PICALM: variants seen among roughly 807,000 people sequenced by gnomAD.
The protein encoded by PICALM is phosphatidylinositol-binding clathrin assembly protein.
A neutral mutation model predicts 80.5 loss-of-function variants in PICALM; 40 were observed. The ratio of observed to expected loss-of-function variants is 0.50; its 90% confidence interval spans 0.39 to 0.65. PICALM has a LOEUF of 0.65. Ranked by LOEUF, PICALM falls within the 30% of genes least tolerant of loss-of-function variation. PICALM has a pLI of 0.00. For synonymous variants in PICALM, 288 were observed against 260.3 expected (o/e 1.11, Z -1.02); for missense variants, 676 against 778.9 (o/e 0.87, Z 1.57).
intron 4 of PICALM, among the ~76,000 whole-genome samples, chr11:86,020,324 C>A (rs1272131401): frequency 6.6e-6 from 1 of 151,294 alleles, no homozygotes; most frequent in East Asian, 1.9e-4. Context: ...CAATGCAATC[C>A]CCCACAAAAT....
At chr11:86,003,689 A>C (rs567817275) in intron 8 of PICALM, 2 of 323,438 alleles carry the variant, frequency 6.2e-6, no homozygotes, top group East Asian at 4.8e-5. Context: ...AACTATGTAA[A>C]CATGAAACAT....
Position 86,003,766 on chromosome 11 carries a change from A to G in PICALM, c.808-315T>C, listed in dbSNP as rs147176829. On this transcript the variant is annotated intron_variant, in intron 8 of 19. Coordinates refer to ENST00000393346, the MANE Select transcript of PICALM (RefSeq NM_007166.4). ...CATACTCCTAAAAGCTCGACATACT[A>G]CTGAGCATGCAGAAGGTACTTAATA... 1.5e-4 allele frequency: 27 copies of G among 184,494 alleles called. No individual in the cohort carries two copies. The East Asian group carries it at 3.3e-3, about 22-fold the overall frequency. 11.4% of individuals were successfully genotyped at this position (184,494 alleles called of 1,614,324 possible). A position where few individuals can be genotyped will look rare whatever the true frequency, so the allele number is the denominator to read the frequency against.
intron 4 of PICALM, among the ~76,000 whole-genome samples, chr11:86,020,327 C>A (rs2095543661): frequency 6.6e-6 from 1 of 150,778 alleles, no homozygotes; most frequent in South Asian, 2.1e-4. Flanking sequence ...TGCAATCCCC[C>A]ACAAAATCCC....
intron 1 of PICALM, among the ~76,000 whole-genome samples, chr11:86,038,568 G>A (rs1270683493): frequency 2.0e-5 from 3 of 151,992 alleles, no homozygotes; most frequent in African/African-American, 7.3e-5. Flanking sequence ...GGATCATGAG[G>A]TCAGGAGTTC....
intron 19 of PICALM, 153 bp downstream of exon 19, chr11:85,974,555 G>A (rs970117842): frequency 2.8e-6 from 2 of 720,916 alleles, no homozygotes; most frequent in Non-Finnish European, 5.1e-6. Flanking sequence ...TATTCCTAAA[G>A]CTCTTATATA....
chr11:86,066,451 C>G (rs796081096), intron 1 of PICALM, among the ~76,000 whole-genome samples: 1 of 152,064 alleles, frequency 6.6e-6, no homozygotes, highest in Admixed American at 6.5e-5. Context: ...AGAAAAAGAA[C>G]GACAAATGCA....
At position 86,011,014 on chromosome 11, in the gene PICALM, C is replaced by T. The variant is rs374744504; in HGVS notation, c.765+16G>A. On this transcript the variant is annotated intron_variant, in intron 7 of 19. Transcript: ENST00000393346. ...AAAAAGGCAAGTTAGGAGACAGTCACTTAAAGACAGTTTACCTCTGCAACT... is the reference window on the plus strand; with the variant it reads ...AAAAAGGCAAGTTAGGAGACAGTCATTTAAAGACAGTTTACCTCTGCAACT... The T allele has an allele frequency of 4.2e-6, 5 of 1,177,148 alleles. No individual in the cohort carries two copies. The highest frequency in any genetic ancestry group is 6.3e-6 in the Non-Finnish European group (5 of 795,974). The allele number at this position is 1,177,148 out of a possible 1,614,324, so 72.9% of individuals were successfully genotyped here. A position where few individuals can be genotyped will look rare whatever the true frequency, so the allele number is the denominator to read the frequency against.
At chr11:86,002,926 G>A (rs376269172) in intron 9 of PICALM, among the ~76,000 whole-genome samples, 45 of 152,174 alleles carry the variant, frequency 3.0e-4, no homozygotes, top group African/African-American at 9.6e-4. Context: ...TGGGAGAATC[G>A]CTTGAACCCA....
intron 19 of PICALM, among the ~76,000 whole-genome samples, chr11:85,970,740 C>A (rs2094079216): frequency 6.6e-6 from 1 of 152,126 alleles, no homozygotes; most frequent in Admixed American, 6.5e-5. Flanking sequence ...GAGGCAGAGG[C>A]TGCAGTGAGC....
At chr11:85,984,958 C>A (rs2094535388) in intron 13 of PICALM, among the ~76,000 whole-genome samples, 1 of 152,086 alleles carries the variant, frequency 6.6e-6, no homozygotes, top group Non-Finnish European at 1.5e-5. Flanking sequence ...ACAAGGATCA[C>A]AAAGAAGAAA....
intron 4 of PICALM, among the ~76,000 whole-genome samples, 200 bp downstream of exon 4, chr11:86,022,163 GTGAA>G (rs1237640776): frequency 2.6e-5 from 4 of 152,162 alleles, no homozygotes; most frequent in Non-Finnish European, 5.9e-5. Context: ...ATTTTGTTAT[GTGAA>G]TGATATCTCA....
chr11:86,024,290 A>C (rs1471627365), intron 3 of PICALM, among the ~76,000 whole-genome samples: 1 of 151,940 alleles, frequency 6.6e-6, no homozygotes, highest in Non-Finnish European at 1.5e-5. Flanking sequence ...TCCTACATAT[A>C]GATTACTGGT....
chr11:85,988,443 G>T (rs546645608), intron 13 of PICALM, among the ~76,000 whole-genome samples: 55 of 152,168 alleles, frequency 3.6e-4, no homozygotes, highest in African/African-American at 1.3e-3. Flanking sequence ...AATCCTTCCT[G>T]CATAAATAAG....
chr11:86,045,359 G>A (rs959042086), intron 1 of PICALM, among the ~76,000 whole-genome samples: 21 of 151,364 alleles, frequency 1.4e-4, no homozygotes, highest in Non-Finnish European at 1.3e-4. Flanking sequence ...ATTCCTAGAA[G>A]GGTACAGTGG....
In PICALM at chr11:85,958,305, C is replaced by T. The variant is rs2093582465; in HGVS notation, c.*741G>A. 4.7e-6 allele frequency: 1 copy of T among 213,290 alleles called. No individual in the cohort carries two copies. The highest frequency in any genetic ancestry group is 7.1e-5 in the East Asian group (1 of 14,122). 13.2% of individuals were successfully genotyped at this position (213,290 alleles called of 1,614,324 possible). A position where few individuals can be genotyped will look rare whatever the true frequency, so the allele number is the denominator to read the frequency against. On this transcript the variant is annotated 3_prime_UTR_variant, in exon 20 of 20. Transcript: ENST00000393346. The stretch of plus-strand genomic sequence containing the variant: ...AATGCTTCCCTAAATCCCACAGAGG[C>T]CGAGAATTCTTAAGAGATTCAGACC...
chr11:85,967,497 T>G (rs1184102216), intron 19 of PICALM, among the ~76,000 whole-genome samples: 3 of 152,224 alleles, frequency 2.0e-5, no homozygotes, highest in African/African-American at 7.2e-5. Flanking sequence ...TTTCGAATGA[T>G]TCAGGTGTGT....
At chr11:86,036,953 A>T (rs553245083) in intron 1 of PICALM, among the ~76,000 whole-genome samples, 4 of 151,314 alleles carry the variant, frequency 2.6e-5, no homozygotes, top group African/African-American at 9.7e-5. Flanking sequence ...ACCAAAAAAA[A>T]AAAATTTTTT....
At chr11:86,052,601 A>C (rs1213495241) in intron 1 of PICALM, among the ~76,000 whole-genome samples, 1 of 152,218 alleles carries the variant, frequency 6.6e-6, no homozygotes, top group African/African-American at 2.4e-5. Context: ...TAATACAAAA[A>C]CTTGAAGCAG....
intron 17 of PICALM, chr11:85,978,190 C>T (rs2094338435): frequency 7.2e-6 from 7 of 972,890 alleles, no homozygotes; most frequent in Non-Finnish European, 1.2e-5. Flanking sequence ...TTTTAGTTCA[C>T]ATGTACATTC....
Sources: allele counts gnomAD v4.1 joint callset (sites outside exome capture counted in the v4.1 genomes callset), GRCh38; gene constraint gnomAD v4.1.1; transcripts MANE v1.5; gene names NCBI Gene and HGNC (gene_info 2026-07-23, HGNC 2026-07-21).